The following TENM2 variants were observed in gnomAD, a reference collection of about 807,000 sequenced individuals.
TENM2 encodes teneurin transmembrane protein 2, also known as teneurin-2.
A neutral mutation model predicts 245.2 loss-of-function variants in TENM2; 52 were observed. That is an observed-to-expected ratio of 0.21 (90% CI 0.17 to 0.27). The LOEUF is 0.27. Among genes scored for constraint, TENM2 ranks in the 10% least tolerant of loss-of-function variants. The pLI, the probability that TENM2 is intolerant of heterozygous loss-of-function variation, is 1.00. For synonymous variants in TENM2, 1,363 were observed against 1,438.9 expected (o/e 0.95, Z 1.19); for missense variants, 3,046 against 3,666.8 (o/e 0.83, Z 4.37).
chr5:167,095,128 C>T, the TENM2 span, among the ~76,000 whole-genome samples: 7 of 152,142 alleles, frequency 4.6e-5, no homozygotes. Flanking sequence ...CACCTCCCTC[C>T]AATCACAGAG....
intron 2 of TENM2, among the ~76,000 whole-genome samples, chr5:167,610,017 G>A (rs1379652925): frequency 6.6e-6 from 1 of 151,998 alleles, no homozygotes; most frequent in East Asian, 1.9e-4. Context: ...ACTTTTGATC[G>A]GCTATAAATC....
chr5:168,110,262 G>A (rs1482285148), intron 9 of TENM2, among the ~76,000 whole-genome samples: 1 of 151,976 alleles, frequency 6.6e-6, no homozygotes, highest in Non-Finnish European at 1.5e-5. Context: ...ACCCTGTCTT[G>A]TCTCTCTACA....
At chr5:168,022,280 T>C (rs1471521288) in intron 5 of TENM2, among the ~76,000 whole-genome samples, 1 of 152,224 alleles carries the variant, frequency 6.6e-6, no homozygotes, top group African/African-American at 2.4e-5. Context: ...AGTCTCCACA[T>C]CCCAATTTGC....
chr5:167,129,827 C>T, the TENM2 span, among the ~76,000 whole-genome samples: 1 of 152,092 alleles, frequency 6.6e-6, no homozygotes, highest in Non-Finnish European at 1.5e-5. Flanking sequence ...AAAAAAATGA[C>T]CACTCCCAAA....
Position 167,989,268 on chromosome 5 carries a change from AAGAGAGAGAGAGAGAGAG to A in TENM2, c.948-3660_948-3643del, listed in dbSNP as rs10617322. 6.9e-5 allele frequency among the ~76,000 whole-genome samples: 10 copies of A among 145,040 alleles called. No homozygotes were observed. In the South Asian group the frequency reaches 2.2e-3, roughly 32 times the overall value. On this transcript the variant is annotated intron_variant, in intron 4 of 28. Coordinates refer to ENST00000518659, the Ensembl canonical transcript of TENM2. ...TAGATAGATAGATAGAAGATAGAGA[AAGAGAGAGAGAGAGAGAG>A]AGAGAGAGAGAGAGATAGATAGATT...
chr5:168,063,831 A>G (rs1246665848), intron 7 of TENM2, among the ~76,000 whole-genome samples: 2 of 152,154 alleles, frequency 1.3e-5, no homozygotes, highest in Non-Finnish European at 2.9e-5. Flanking sequence ...GCCTAAAATG[A>G]TCAATATAAG....
At chr5:167,151,972 G>A in the TENM2 span, among the ~76,000 whole-genome samples, 1 of 152,112 alleles carries the variant, frequency 6.6e-6, no homozygotes, top group Non-Finnish European at 1.5e-5. Flanking sequence ...CACACACTAC[G>A]GCTTTTTCAC....
intron 2 of TENM2, among the ~76,000 whole-genome samples, chr5:167,586,951 T>C (rs1316598548): frequency 1.3e-5 from 2 of 152,324 alleles, no homozygotes; most frequent in South Asian, 2.1e-4. Flanking sequence ...TAATTAGTAA[T>C]TGTTGGGCTC....
At position 168,210,379 on chromosome 5, in the gene TENM2, C is replaced by T. The variant is rs536854727; in HGVS notation, c.3825-1355C>T. The stretch of plus-strand genomic sequence containing the variant: ...GTAGGTCAGGCCTGCAGACCCAAAT[C>T]CCATCCAGTATTTTTACAAAATCTT... On this transcript the variant is annotated intron_variant, in intron 19 of 28. Coordinates refer to ENST00000518659, the Ensembl canonical transcript of TENM2. Among the ~76,000 whole-genome samples the T allele has an allele frequency of 3.2e-3, 480 of 152,266 alleles. 2 individuals carry two copies. The highest frequency in any genetic ancestry group is 4.8e-3 in the Non-Finnish European group (324 of 68,028).
intron 1 of TENM2, among the ~76,000 whole-genome samples, chr5:167,355,953 C>A (rs1473738034): frequency 6.8e-6 from 1 of 147,800 alleles, no homozygotes; most frequent in Non-Finnish European, 1.5e-5. Flanking sequence ...GAGGCCGAGG[C>A]GGGCAGATCA....
chr5:168,228,679 C>CCTTTTAAAGT (rs1161340839), intron 25 of TENM2, among the ~76,000 whole-genome samples: 1 of 152,016 alleles, frequency 6.6e-6, no homozygotes, highest in African/African-American at 2.4e-5. Context: ...GAGGTACATG[C>CCTTTTAAAGT]AGGGTCTGAT....
At chr5:168,259,621 C>G (rs1291639708) in intron 27 of TENM2, among the ~76,000 whole-genome samples, 2 of 152,162 alleles carry the variant, frequency 1.3e-5, no homozygotes, top group South Asian at 4.1e-4. Context: ...TGGAGAAAGC[C>G]TCTCATGGTC....
At chr5:167,184,617 C>G in the TENM2 span, among the ~76,000 whole-genome samples, 1 of 152,082 alleles carries the variant, frequency 6.6e-6, no homozygotes, top group Non-Finnish European at 1.5e-5. Flanking sequence ...CTAATATGTC[C>G]TCTTGAACAT....
At chr5:167,588,465 T>C (rs962226094) in intron 2 of TENM2, among the ~76,000 whole-genome samples, 1 of 152,244 alleles carries the variant, frequency 6.6e-6, no homozygotes, top group African/African-American at 2.4e-5. Context: ...AATGTAATTA[T>C]GTAGTGACCA....
intron 13 of TENM2, among the ~76,000 whole-genome samples, chr5:168,168,447 A>G (rs532336433): frequency 6.6e-6 from 1 of 152,308 alleles, no homozygotes; most frequent in Admixed American, 6.5e-5. Flanking sequence ...TGGGAGACCA[A>G]GGTGGGTGGA....
chr5:167,301,037 G>A (rs1755280357), intron 1 of TENM2, among the ~76,000 whole-genome samples: 1 of 152,142 alleles, frequency 6.6e-6, no homozygotes, highest in Non-Finnish European at 1.5e-5. Context: ...TGTGGAGTGG[G>A]TAGCCTCCTT....
In TENM2 at chr5:168,228,867, A is replaced by ATT. The variant is rs1562308824; in HGVS notation, c.5520+737_5520+738insTT. On this transcript the variant is annotated intron_variant, in intron 25 of 28. Coordinates refer to ENST00000518659, the Ensembl canonical transcript of TENM2. ...ATAACATTAATTATATTATTATTAT[A>ATT]ATTATTATATAATGTAATTTTATAT... 2.0e-5 allele frequency among the ~76,000 whole-genome samples: 3 copies of ATT among 147,924 alleles called. No individual in the cohort carries two copies. In the East Asian group the frequency reaches 5.9e-4, roughly 29 times the overall value.
intron 2 of TENM2, among the ~76,000 whole-genome samples, chr5:167,378,640 A>G (rs895957928): frequency 2.0e-4 from 30 of 152,142 alleles, no homozygotes; most frequent in African/African-American, 6.5e-4. Context: ...AGTAACTTTA[A>G]ATTAGAGTCC....
intron 7 of TENM2, among the ~76,000 whole-genome samples, chr5:168,076,521 G>A (rs995416180): frequency 6.6e-6 from 1 of 152,024 alleles, no homozygotes; most frequent in African/African-American, 2.4e-5. Context: ...ACTACACCTG[G>A]CTGGTTTGCT....
Sources: gnomAD v4.1 joint callset for allele counts (sites outside exome capture counted in the v4.1 genomes callset) on GRCh38, gnomAD v4.1.1 for gene constraint, MANE v1.5 for transcripts, NCBI Gene and HGNC (gene_info 2026-07-23, HGNC 2026-07-21) for gene names.